Variants in SCAPER observed in about 807,000 individuals in gnomAD.
The protein encoded by SCAPER is S phase cyclin A-associated protein in the endoplasmic reticulum.
SCAPER carries 98 observed loss-of-function variants against 182.2 expected under a neutral mutation model. The observed-to-expected ratio is 0.54, with a 90% confidence interval of 0.46 to 0.64. SCAPER has a LOEUF of 0.64. Ranked by LOEUF, SCAPER falls within the 30% of genes least tolerant of loss-of-function variation. The pLI, the probability that SCAPER is intolerant of heterozygous loss-of-function variation, is 0.00. For missense variants in SCAPER, 1,432 were observed against 1,690.0 expected, an observed-to-expected ratio of 0.85 and a Z score of 2.68; for synonymous variants, 605 against 564.6, an observed-to-expected ratio of 1.07 and a Z score of -1.01.
At chr15:76,838,088 G>C (rs1329239546) in intron 5 of SCAPER, among the ~76,000 whole-genome samples, 1 of 152,128 alleles carries the variant, frequency 6.6e-6, no homozygotes, top group Admixed American at 6.5e-5. Context: ...CTACCAAAAA[G>C]ATATATGCAC....
intron 17 of SCAPER, among the ~76,000 whole-genome samples, chr15:76,726,124 A>AATATATATATATATATATATAT (rs765875424): frequency 2.0e-4 from 3 of 15,338 alleles, no homozygotes; most frequent in Non-Finnish European, 3.5e-4. Context: ...TAATGTCTAG[A>AATATATATATATATATATATAT]ATATATATAT....
At chr15:76,604,194 T>G (rs1382604534) in intron 22 of SCAPER, among the ~76,000 whole-genome samples, 1 of 121,078 alleles carries the variant, frequency 8.3e-6, no homozygotes, top group African/African-American at 2.5e-5. Context: ...CTTGAATTAA[T>G]TTTTGTATAA....
chr15:76,625,753 C>A (rs570739421), intron 21 of SCAPER, among the ~76,000 whole-genome samples: 1 of 152,240 alleles, frequency 6.6e-6, no homozygotes, highest in African/African-American at 2.4e-5. Context: ...TTTCCCGTGG[C>A]TAGACGCAGG....
intron 24 of SCAPER, among the ~76,000 whole-genome samples, chr15:76,502,249 G>C (rs2041185640): frequency 6.6e-6 from 1 of 152,180 alleles, no homozygotes; most frequent in African/African-American, 2.4e-5. Context: ...CCAGTAATGG[G>C]ATGGCTGGGT....
chr15:76,508,318 G>A (rs12148805), intron 23 of SCAPER, among the ~76,000 whole-genome samples: 73,094 of 151,850 alleles, frequency 0.48, 18,719 homozygotes, highest in Middle Eastern at 0.63. Context: ...TTCACTGCTG[G>A]TTGACATTTA....
chr15:76,757,614 G>T (rs1237849024), intron 14 of SCAPER, among the ~76,000 whole-genome samples: 1 of 152,006 alleles, frequency 6.6e-6, no homozygotes, highest in Non-Finnish European at 1.5e-5. Context: ...AATTCCTTTG[G>T]ATATATACCC....
intron 9 of SCAPER, chr15:76,774,400 G>A: frequency 2.6e-6 from 1 of 388,496 alleles, no homozygotes. Flanking sequence ...ACTGGATCCT[G>A]GAGGAAATTC....
At chr15:76,411,712 G>T (rs2045304006) in intron 26 of SCAPER, among the ~76,000 whole-genome samples, 1 of 152,088 alleles carries the variant, frequency 6.6e-6, no homozygotes, top group African/African-American at 2.4e-5. Context: ...CTTCAAAGTG[G>T]TCATTTCATT....
At chr15:76,455,895 A>C (rs975654366) in intron 25 of SCAPER, among the ~76,000 whole-genome samples, 1 of 151,546 alleles carries the variant, frequency 6.6e-6, no homozygotes, top group Non-Finnish European at 1.5e-5. Flanking sequence ...TCATTGTTCA[A>C]CTCCCACTTA....
chr15:76,391,409 T>C (rs934926123), intron 27 of SCAPER, among the ~76,000 whole-genome samples: 2 of 152,220 alleles, frequency 1.3e-5, no homozygotes, highest in Non-Finnish European at 2.9e-5. Context: ...TGGTATCTTG[T>C]TCATCAATCG....
At chr15:76,523,546 T>C (rs1163024294) in intron 23 of SCAPER, among the ~76,000 whole-genome samples, 1 of 152,062 alleles carries the variant, frequency 6.6e-6, no homozygotes, top group Admixed American at 6.6e-5. Flanking sequence ...GCAATTAAAT[T>C]ACATCCAGGG....
At chr15:76,559,463 TG>T (rs1447607729) in intron 23 of SCAPER, among the ~76,000 whole-genome samples, 1 of 152,128 alleles carries the variant, frequency 6.6e-6, no homozygotes, top group Non-Finnish European at 1.5e-5. Flanking sequence ...CTGCCATGAT[TG>T]TAAGTTTCCT....
chr15:76,615,492 G>GACACACACACAC (rs200914871), intron 22 of SCAPER, among the ~76,000 whole-genome samples: 15 of 140,766 alleles, frequency 1.1e-4, no homozygotes, highest in African/African-American at 2.9e-4. Flanking sequence ...CACACACACA[G>GACACACACACAC]ACACACACAC....
chr15:76,548,108 CT>C (rs1445999526), intron 23 of SCAPER, among the ~76,000 whole-genome samples: 9 of 39,924 alleles, frequency 2.3e-4, no homozygotes, highest in African/African-American at 5.5e-4. Context: ...TCTTTTAGCC[CT>C]TTTCCCGTTC....
At chr15:76,710,192 A>G (rs2059487123) in intron 17 of SCAPER, among the ~76,000 whole-genome samples, 1 of 152,202 alleles carries the variant, frequency 6.6e-6, no homozygotes, top group African/African-American at 2.4e-5. Context: ...CAAAGAAATT[A>G]AAGGCATCCA....
chr15:76,640,608 T>C (rs535520275), intron 21 of SCAPER, among the ~76,000 whole-genome samples: 1 of 152,348 alleles, frequency 6.6e-6, no homozygotes, highest in African/African-American at 2.4e-5. Flanking sequence ...ATTTGTGCTA[T>C]TGGTTTATTG....
At chr15:76,531,352 T>A (rs1384250624) in intron 23 of SCAPER, among the ~76,000 whole-genome samples, 1 of 152,178 alleles carries the variant, frequency 6.6e-6, no homozygotes, top group African/African-American at 2.4e-5. Flanking sequence ...GACTGAAACA[T>A]AACTCCTGGT....
At chr15:76,531,939 C>T (rs1444281777) in intron 23 of SCAPER, among the ~76,000 whole-genome samples, 1 of 152,232 alleles carries the variant, frequency 6.6e-6, no homozygotes, top group Non-Finnish European at 1.5e-5. Flanking sequence ...AGCAACAATA[C>T]ACATCTTCTC....
intron 26 of SCAPER, among the ~76,000 whole-genome samples, chr15:76,423,691 A>G (rs1477760202): frequency 2.0e-5 from 3 of 152,070 alleles, no homozygotes; most frequent in African/African-American, 4.8e-5. Context: ...TTGCTTCTCT[A>G]GTTCTTTTAA....
Sources: gnomAD v4.1 joint callset for allele counts (sites outside exome capture counted in the v4.1 genomes callset) on GRCh38, gnomAD v4.1.1 for gene constraint, MANE v1.5 for transcripts, NCBI Gene and HGNC (gene_info 2026-07-23, HGNC 2026-07-21) for gene names.